PLEKHB1: variants seen among roughly 807,000 people sequenced by gnomAD.
PLEKHB1 encodes pleckstrin homology domain containing B1.
In PLEKHB1, 29 loss-of-function variants were observed where a neutral mutation model predicts 36.2. That is an observed-to-expected ratio of 0.80 (90% CI 0.60 to 1.09). The LOEUF (loss-of-function observed/expected upper bound fraction) is 1.09. PLEKHB1 is among the 50% of genes least tolerant of loss of function. PLEKHB1 has a pLI of 0.00. For missense variants in PLEKHB1, 330 were observed against 348.2 expected, an observed-to-expected ratio of 0.95 and a Z score of 0.42; for synonymous variants, 138 against 140.0, an observed-to-expected ratio of 0.99 and a Z score of 0.10.
intron 6 of PLEKHB1, among the ~76,000 whole-genome samples, chr11:73,658,489 T>C (rs954562924): frequency 1.3e-5 from 2 of 152,280 alleles, no homozygotes; most frequent in Admixed American, 1.3e-4. Flanking sequence ...TATCTTGGAA[T>C]TGGCCAAAAG....
chr11:73,657,982 C>T (rs1172062232), intron 6 of PLEKHB1, among the ~76,000 whole-genome samples: 1 of 152,206 alleles, frequency 6.6e-6, no homozygotes, highest in African/African-American at 2.4e-5. Flanking sequence ...GTATTTGATT[C>T]ACTGGAATGA....
chr11:73,648,139 C>A, intron 1 of PLEKHB1: 1 of 217,424 alleles, frequency 4.6e-6, no homozygotes, highest in Non-Finnish European at 7.8e-6. Context: ...ACATTGGAAT[C>A]ATCTGAGGAT....
Position 73,661,364 on chromosome 11 carries a change from G to A in PLEKHB1, c.596-102G>A, listed in dbSNP as rs1945114281. 7 of 1,352,430 alleles carry A rather than the reference G, an allele frequency of 5.2e-6. No individual in the cohort carries two copies. Among genetic ancestry groups the A allele is most frequent in the South Asian group, 1.3e-5 (1 of 78,922 alleles). 83.8% of individuals were successfully genotyped at this position (1,352,430 alleles called of 1,614,324 possible). Reference sequence around the variant, plus strand: ...GACTGGGGAGCAGGAGAGTGGGTTCGGCGCCTTACACTGGGTTGGGCTGGA... The same window carrying A: ...GACTGGGGAGCAGGAGAGTGGGTTCAGCGCCTTACACTGGGTTGGGCTGGA... On this transcript the variant is annotated intron_variant, in intron 7 of 7. Coordinates refer to ENST00000354190, the MANE Select transcript of PLEKHB1 (RefSeq NM_021200.3). The surrounding 1 kb of genome is among the most constrained non-coding windows in gnomAD (Gnocchi z 4.6).
At chr11:73,648,986 T>C (rs943778969) in intron 1 of PLEKHB1, 26 bp from the exon 2 acceptor site, 4 of 1,572,714 alleles carry the variant, frequency 2.5e-6, no homozygotes, top group East Asian at 2.3e-5. Context: ...TGCTGAGGCC[T>C]GTGTCTCCCG....
chr11:73,655,621 A>G (rs1944976710), intron 5 of PLEKHB1, among the ~76,000 whole-genome samples, 182 bp from the exon 6 acceptor site: 2 of 152,216 alleles, frequency 1.3e-5, no homozygotes, highest in African/African-American at 2.4e-5. Context: ...GGCAGTCATC[A>G]GCATTCTCTG....
At position 73,661,582 on chromosome 11, in the gene PLEKHB1, T is replaced by C. The variant is rs1945124705; in HGVS notation, c.712T>C (p.Trp238Arg). 6.3e-7 allele frequency: 1 copy of C among 1,597,970 alleles called. No homozygotes were observed. Among genetic ancestry groups the C allele is most frequent in the Non-Finnish European group, 8.5e-7 (1 of 1,172,382 alleles). Residue 238 changes from tryptophan to arginine, a missense_variant, in exon 8 of 8, where the codon TGG becomes CGG. Physicochemically the swap from Trp to Arg is moderately radical, Grantham distance 101. Coordinates refer to ENST00000354190, the MANE Select transcript of PLEKHB1 (RefSeq NM_021200.3). This position sits in a 1 kb window ranked among gnomAD's most constrained non-coding sequence, Gnocchi z 4.6. ...ATGAALGSLM[W>R]SPCWF ...TGGGGCGGCGCTGGGCTCGCTCATG[T>C]GGTCGCCCTGCTGGTTCTGAGCCCT...
chr11:73,656,723 C>T (rs1049095040), intron 6 of PLEKHB1, among the ~76,000 whole-genome samples: 1 of 152,184 alleles, frequency 6.6e-6, no homozygotes, highest in Non-Finnish European at 1.5e-5. Context: ...CTGAGCTCAT[C>T]TTACACAGTG....
chr11:73,649,207 T>C lies in PLEKHB1; in HGVS notation c.94+120T>C. 1.0e-5 allele frequency: 13 copies of C among 1,249,584 alleles called. 1 individual carries two copies. The South Asian group carries it at 1.8e-4, about 17-fold the overall frequency. The allele number at this position is 1,249,584 out of a possible 1,614,324, so 77.4% of individuals were successfully genotyped here. On this transcript the variant is annotated intron_variant, in intron 2 of 7. Transcript: ENST00000354190. ...TTTTCATCCTTCCCTTGTTTGTCCA[T>C]GCTCTTCCCTCTGCCTGAAGGTCCT...
Position 73,653,010 on chromosome 11 carries a change from C to T in PLEKHB1, c.386C>T (p.Thr129Ile), listed in dbSNP as rs1944927160. Residue 129 changes from threonine (T) to isoleucine (I), a missense_variant, in exon 5 of 8, where the codon ACC becomes ATC. By Grantham distance (89) the Thr-to-Ile change is moderately conservative. Transcript: ENST00000354190. Reference protein sequence around the residue: ...WKTALLEANSTPAPAGATVPP... With the variant: ...WKTALLEANSIPAPAGATVPP... ...ACAGCACTGCTGGAGGCAAACTCCA[C>T]CCCGGTGAGTCTCCCGTTCTCTCCC... is the stretch of plus-strand genomic sequence containing the variant. 3 of 1,609,398 alleles carry T rather than the reference C, an allele frequency of 1.9e-6. No individual in the cohort carries two copies. The highest frequency in any genetic ancestry group is 2.2e-5 in the East Asian group (1 of 44,718).
chr11:73,652,797 C>G (rs1240026310), intron 4 of PLEKHB1, 178 bp from the exon 5 acceptor site: 1 of 558,268 alleles, frequency 1.8e-6, no homozygotes, highest in Non-Finnish European at 3.2e-6. Flanking sequence ...AGTGCTCCAT[C>G]CATGTGACTG....
At position 73,661,726 on chromosome 11, in the gene PLEKHB1, C is replaced by T. The variant is rs1945128652; in HGVS notation, c.*124C>T. The T allele has an allele frequency of 4.8e-6, 6 of 1,246,186 alleles. No homozygotes were observed. The highest frequency in any genetic ancestry group is 6.6e-6 in the Non-Finnish European group (6 of 913,930). 77.2% of individuals were successfully genotyped at this position (1,246,186 alleles called of 1,614,324 possible). ...CCCTATCCTCTCCATTAGCTCCTTC[C>T]GGGTTTGGACCATTCCCCCCACTCC... On this transcript the variant is annotated 3_prime_UTR_variant, in exon 8 of 8. Transcript: ENST00000354190. The surrounding 1 kb of genome is among the most constrained non-coding windows in gnomAD (Gnocchi z 4.6).
Position 73,646,597 on chromosome 11 carries a change from C to G in PLEKHB1, c.-12C>G. 6.4e-7 allele frequency: 1 copy of G among 1,551,560 alleles called. No individual in the cohort carries two copies. Among genetic ancestry groups the G allele is most frequent in the Non-Finnish European group, 8.7e-7 (1 of 1,146,962 alleles). ...GCCTTCTGGGAAATGCTGCCCTGGC[C>G]ACCCAGGAACCATGAGCCCTGCAGC... On this transcript the variant is annotated 5_prime_UTR_variant, in exon 1 of 8. Coordinates refer to ENST00000354190, the MANE Select transcript of PLEKHB1 (RefSeq NM_021200.3).
chr11:73,647,557 T>A (rs899726228), intron 1 of PLEKHB1: 5 of 985,300 alleles, frequency 5.1e-6, no homozygotes, highest in African/African-American at 1.7e-5. Flanking sequence ...TCACTCCCCC[T>A]CCCTGGGGTG....
Position 73,661,113 on chromosome 11 carries a change from C to A in PLEKHB1, c.595+261C>A, listed in dbSNP as rs1333889657. Among the ~76,000 whole-genome samples, 1 of 152,240 alleles carries A rather than the reference C, an allele frequency of 6.6e-6. No individual in the cohort carries two copies. Among genetic ancestry groups the A allele is most frequent in the Non-Finnish European group, 1.5e-5 (1 of 68,052 alleles). On this transcript the variant is annotated intron_variant, in intron 7 of 7. Transcript: ENST00000354190. This position sits in a 1 kb window ranked among gnomAD's most constrained non-coding sequence, Gnocchi z 4.6. ...ATACCCATTCCTGAGCCGGTAGCGG[C>A]CCCTGGTGGCTACTGCGGGAATGCT...
intron 5 of PLEKHB1, 33 bp from the exon 6 acceptor site, chr11:73,655,770 C>G (rs763818929): frequency 1.3e-6 from 2 of 1,598,466 alleles, no homozygotes; most frequent in Non-Finnish European, 1.7e-6. Context: ...CCCTCCCTCC[C>G]TCCTCCTTCT....
intron 5 of PLEKHB1, chr11:73,653,359 T>A: frequency 1.8e-6 from 1 of 554,956 alleles, no homozygotes. Context: ...GTTATTGTTC[T>A]CTCTCTGCAG....
In PLEKHB1 at chr11:73,650,781, T is replaced by C. The variant is rs529342734; in HGVS notation, c.247+76T>C. 212 of 1,446,924 alleles carry C rather than the reference T, an allele frequency of 1.5e-4. No homozygotes were observed. The African/African-American group carries it at 2.8e-3, about 19-fold the overall frequency. The allele number at this position is 1,446,924 out of a possible 1,614,324, so 89.6% of individuals were successfully genotyped here. On this transcript the variant is annotated intron_variant, in intron 3 of 7. Coordinates refer to ENST00000354190, the MANE Select transcript of PLEKHB1 (RefSeq NM_021200.3). ...CCGCTGTCTCCGAGAACACTTGCTGTTGGAAGTCTTTTTGCAGCTTTCAGA... is the reference window on the plus strand; with the variant it reads ...CCGCTGTCTCCGAGAACACTTGCTGCTGGAAGTCTTTTTGCAGCTTTCAGA...
chr11:73,649,235 C>G, intron 2 of PLEKHB1, 148 bp downstream of exon 2: 1 of 1,014,022 alleles, frequency 9.9e-7, no homozygotes, highest in Non-Finnish European at 1.4e-6. Context: ...AAGGTCCTTC[C>G]CATTCCCGAC....
Position 73,650,593 on chromosome 11 carries a change from G to A in PLEKHB1, c.135G>A (p.Leu45=). The A allele has an allele frequency of 6.2e-7, 1 of 1,613,280 alleles. No homozygotes were observed. Among genetic ancestry groups the A allele is most frequent in the Non-Finnish European group, 8.5e-7 (1 of 1,179,638 alleles). The change falls in exon 3 of 8, where the codon CTG becomes CTA. Residue 45 remains leucine (L), a synonymous_variant. Transcript: ENST00000354190. ...LRRWKRNWFA[L]WLDGTLGYYH... is the part of the protein sequence containing the mutation. ...GCTGGAAGCGGAACTGGTTTGCCCT[G>A]TGGCTGGACGGGACCCTGGGATACT...
Sources: gnomAD v4.1 joint callset for allele counts (sites outside exome capture counted in the v4.1 genomes callset) on GRCh38, gnomAD v4.1.1 for gene constraint, Gnocchi (gnomAD v3.1) non-coding constraint, MANE v1.5 for transcripts, NCBI Gene and HGNC (gene_info 2026-07-23, HGNC 2026-07-21) for gene names.